KCNH8: variants seen among roughly 807,000 people sequenced by gnomAD.
KCNH8 encodes the protein voltage-gated delayed rectifier potassium channel KCNH8.
Under a neutral mutation model 103.6 loss-of-function variants are expected in KCNH8, and 70 were observed. The ratio of observed to expected loss-of-function variants is 0.68; its 90% CI spans 0.56 to 0.82. KCNH8 has a LOEUF of 0.82. Among genes scored for constraint, KCNH8 ranks in the 40% least tolerant of loss-of-function variants. The pLI, the probability that KCNH8 is intolerant of heterozygous loss-of-function variation, is 0.00. For synonymous variants in KCNH8, 498 were observed against 489.4 expected, an observed-to-expected ratio of 1.02 and a Z score of -0.23; for missense variants, 1,217 against 1,329.9, an observed-to-expected ratio of 0.92 and a Z score of 1.32.
chr3:19,518,217 G>A (rs2068908883), intron 15 of KCNH8, 143 bp downstream of exon 15: 2 of 603,322 alleles, frequency 3.3e-6, no homozygotes, highest in Non-Finnish European at 5.8e-6. Flanking sequence ...TCTGCCTCAT[G>A]TAAGTTGTGT....
intron 5 of KCNH8, among the ~76,000 whole-genome samples, chr3:19,363,419 C>T (rs1376348243): frequency 6.6e-6 from 1 of 152,138 alleles, no homozygotes; most frequent in African/African-American, 2.4e-5. Context: ...ACTGGGACTT[C>T]CAGTAACACA....
At chr3:19,354,824 A>G (rs1230533704) in intron 5 of KCNH8, among the ~76,000 whole-genome samples, 1 of 152,204 alleles carries the variant, frequency 6.6e-6, no homozygotes, top group Non-Finnish European at 1.5e-5. Context: ...GGCATGTGCA[A>G]GGACTTCATG....
At chr3:19,219,931 A>G (rs942908667) in intron 1 of KCNH8, among the ~76,000 whole-genome samples, 1 of 152,164 alleles carries the variant, frequency 6.6e-6, no homozygotes, top group Admixed American at 6.5e-5. Context: ...AGTAACCACA[A>G]AGTACTCTGA....
At chr3:19,457,740 T>A (rs2067556166) in intron 11 of KCNH8, among the ~76,000 whole-genome samples, 1 of 151,996 alleles carries the variant, frequency 6.6e-6, no homozygotes, top group South Asian at 2.1e-4. Flanking sequence ...AACTCTTGAT[T>A]TTTTTCCTAT....
Position 19,451,196 on chromosome 3 carries a change from T to C in KCNH8, c.1617T>C (p.Thr539=). Residue 539 remains threonine (T), a synonymous_variant, in exon 10 of 16, where the codon ACT becomes ACC. Coordinates refer to ENST00000328405, the MANE Select transcript of KCNH8 (RefSeq NM_144633.3). ...CAGATGAACTGCGTTCTGACATCAC[T>C]ATGCACTTGAACAAGGAGATCTTAC... ...DFPDELRSDI[T]MHLNKEILQL... The C allele has an allele frequency of 6.2e-7, 1 of 1,613,744 alleles. No individual in the cohort carries two copies. Among genetic ancestry groups the C allele is most frequent in the Non-Finnish European group, 8.5e-7 (1 of 1,179,682 alleles).
chr3:19,500,235 A>C (rs1471234903), intron 11 of KCNH8, among the ~76,000 whole-genome samples: 1 of 151,962 alleles, frequency 6.6e-6, no homozygotes, highest in Non-Finnish European at 1.5e-5. Context: ...ACAAGAGCTA[A>C]CTATCCTAAA....
rs149006437 is a variant in KCNH8, at chr3:19,515,375, A to G, written c.2489A>G (p.Asp830Gly). The change falls in exon 14 of 16, where the codon GAT becomes GGT. Residue 830 changes from aspartate (D) to glycine (G), a missense_variant. Physicochemically the swap from Asp to Gly is moderately conservative, Grantham distance 94. Coordinates refer to ENST00000328405, the MANE Select transcript of KCNH8 (RefSeq NM_144633.3). ...GNSSEESQTF[D>G]FGSERIRSEP... ...AGCAGTGAAGAAAGTCAGACTTTTGATTTTGGCTCTGAACGAATCAGATCA... is the reference window on the plus strand; with the variant it reads ...AGCAGTGAAGAAAGTCAGACTTTTGGTTTTGGCTCTGAACGAATCAGATCA... The G allele has an allele frequency of 1.3e-4, 207 of 1,586,768 alleles. No individual in the cohort carries two copies. Among genetic ancestry groups the G allele is most frequent in the Middle Eastern group, 1.2e-3 (7 of 6,004 alleles).
In KCNH8 at chr3:19,288,181, C is replaced by CTT. The variant is rs767659898; in HGVS notation, c.442+6881_442+6882dup. On this transcript the variant is annotated intron_variant, in intron 3 of 15. Transcript: ENST00000328405. The stretch of plus-strand genomic sequence containing the variant: ...CTTCTTGCACCGGTGTATCAAACTT[C>CTT]TTTTTTTTTTTTTTTTTTTTTTTTT... Among the ~76,000 whole-genome samples the CTT allele has an allele frequency of 6.4e-3, 245 of 38,124 alleles. 15 individuals carry two copies. The highest frequency in any genetic ancestry group is 0.019 in the African/African-American group (197 of 10,344). 25.0% of individuals were successfully genotyped at this position (38,124 alleles called of 152,430 possible).
intron 3 of KCNH8, among the ~76,000 whole-genome samples, chr3:19,312,250 G>A (rs2065217521): frequency 6.6e-6 from 1 of 151,884 alleles, no homozygotes; most frequent in South Asian, 2.1e-4. Flanking sequence ...AAGGAACTAA[G>A]TTACTTTTAT....
chr3:19,302,715 T>C (rs1359326486), intron 3 of KCNH8, among the ~76,000 whole-genome samples: 1 of 152,186 alleles, frequency 6.6e-6, no homozygotes, highest in African/African-American at 2.4e-5. Context: ...CTACTTAGAC[T>C]CTCTTCATCC....
At chr3:19,225,599 A>T (rs902767470) in intron 1 of KCNH8, among the ~76,000 whole-genome samples, 1 of 152,054 alleles carries the variant, frequency 6.6e-6, no homozygotes, top group Non-Finnish European at 1.5e-5. Flanking sequence ...TGCCCTTCAT[A>T]TAAAAATTCT....
At chr3:19,341,939 A>C (rs1325822253) in intron 3 of KCNH8, among the ~76,000 whole-genome samples, 2 of 152,074 alleles carry the variant, frequency 1.3e-5, no homozygotes, top group Admixed American at 1.3e-4. Context: ...TAAACTCAAA[A>C]CTGTATGCAT....
intron 1 of KCNH8, among the ~76,000 whole-genome samples, chr3:19,171,035 G>A (rs2063343991): frequency 6.6e-6 from 1 of 151,656 alleles, no homozygotes; most frequent in Non-Finnish European, 1.5e-5. Flanking sequence ...TCCTGACCAC[G>A]TGATCCACCC....
chr3:19,366,174 T>C (rs1310532731), intron 5 of KCNH8, among the ~76,000 whole-genome samples: 1 of 152,104 alleles, frequency 6.6e-6, no homozygotes, highest in Non-Finnish European at 1.5e-5. Flanking sequence ...TTCTGAATTT[T>C]TTATACTAGT....
chr3:19,159,417 G>A (rs978343984), intron 1 of KCNH8, among the ~76,000 whole-genome samples: 1 of 151,776 alleles, frequency 6.6e-6, no homozygotes, highest in Non-Finnish European at 1.5e-5. Context: ...TTTCTTGGAC[G>A]TGTATATTAT....
At position 19,149,189 on chromosome 3, in the gene KCNH8, G is replaced by A. The variant is rs149116751; in HGVS notation, c.76+394G>A. On this transcript the variant is annotated intron_variant, in intron 1 of 15. Coordinates refer to ENST00000328405, the MANE Select transcript of KCNH8 (RefSeq NM_144633.3). ...GCTCCCTAGATCAAAAGGAGAGCTT[G>A]GAGTGTTCTTTCTTGGAGCTTCATT... Among the ~76,000 whole-genome samples, 46 of 152,184 alleles carry A rather than the reference G, an allele frequency of 3.0e-4. No individual in the cohort carries two copies. In the East Asian group the frequency reaches 8.1e-3, roughly 27 times the overall value.
chr3:19,351,268 C>T (rs971121375), intron 5 of KCNH8, among the ~76,000 whole-genome samples: 10 of 152,032 alleles, frequency 6.6e-5, no homozygotes, highest in Admixed American at 3.3e-4. Context: ...ATTGGTGTAC[C>T]TCAAAGTGAC....
At chr3:19,204,770 G>T (rs1186593133) in intron 1 of KCNH8, among the ~76,000 whole-genome samples, 17 of 151,944 alleles carry the variant, frequency 1.1e-4, no homozygotes, top group Non-Finnish European at 1.2e-4. Context: ...CCCCAGTCAG[G>T]GTATGGAATT....
At chr3:19,457,853 G>A (rs2067558175) in intron 11 of KCNH8, among the ~76,000 whole-genome samples, 1 of 151,940 alleles carries the variant, frequency 6.6e-6, no homozygotes, top group Non-Finnish European at 1.5e-5. Context: ...CTTAAATTGT[G>A]TATTATTTTA....
Sources: gnomAD v4.1 joint callset for allele counts (sites outside exome capture counted in the v4.1 genomes callset) on GRCh38, gnomAD v4.1.1 for gene constraint, MANE v1.5 for transcripts, NCBI Gene and HGNC (gene_info 2026-07-23, HGNC 2026-07-21) for gene names.